Variants in CCSER1 observed in about 807,000 individuals in gnomAD.
CCSER1 encodes the protein serine-rich coiled-coil domain-containing protein 1.
CCSER1 carries 41 observed loss-of-function variants against 82.0 expected under a neutral mutation model. The observed-to-expected ratio is 0.50, with a 90% CI of 0.39 to 0.65. CCSER1 has a LOEUF of 0.65. Ranked by LOEUF, CCSER1 falls within the 30% of genes least tolerant of loss-of-function variation. CCSER1 has a pLI of 0.00. For missense variants in CCSER1, 1,119 were observed against 1,064.2 expected, an observed-to-expected ratio of 1.05 and a Z score of -0.72; for synonymous variants, 414 against 383.9, an observed-to-expected ratio of 1.08 and a Z score of -0.92.
At chr4:91,376,875 T>C (rs1750450737) in intron 10 of CCSER1, among the ~76,000 whole-genome samples, 1 of 148,172 alleles carries the variant, frequency 6.7e-6, no homozygotes, top group African/African-American at 2.5e-5. Flanking sequence ...ATCATTTACA[T>C]TAGGTATATC....
intron 5 of CCSER1, among the ~76,000 whole-genome samples, chr4:90,548,727 G>T (rs1354665324): frequency 7.0e-6 from 1 of 143,610 alleles, no homozygotes; most frequent in African/African-American, 2.5e-5. Context: ...ATCATTTAAA[G>T]ATATATATAT....
chr4:90,499,464 AGT>A (rs1204230337), intron 5 of CCSER1, among the ~76,000 whole-genome samples: 2 of 152,166 alleles, frequency 1.3e-5, no homozygotes, highest in Non-Finnish European at 2.9e-5. Flanking sequence ...TTGGGACACT[AGT>A]TAATGGTGCT....
chr4:90,809,449 A>G (rs28866860), intron 7 of CCSER1, among the ~76,000 whole-genome samples: 1,942 of 152,210 alleles, frequency 0.013, 45 homozygotes, highest in African/African-American at 0.045. Flanking sequence ...AAAACTAAAT[A>G]CCCCATGTTC....
rs563500365 is a variant in CCSER1 at position 91,042,611 on chromosome 4, C to A, written c.2173-43339C>A. 6.6e-5 allele frequency among the ~76,000 whole-genome samples: 10 copies of A among 152,266 alleles called. No individual in the cohort carries two copies. In the East Asian group the frequency reaches 1.9e-3, roughly 29 times the overall value. On this transcript the variant is annotated intron_variant, in intron 9 of 10. Transcript: ENST00000509176. ...CAGTACATAATCTTCCATCTAAAAT[C>A]TGCTTTTTTCTTCTGTGTTGCTACG...
intron 5 of CCSER1, among the ~76,000 whole-genome samples, chr4:90,527,325 C>G (rs1006366837): frequency 6.6e-6 from 1 of 152,032 alleles, no homozygotes; most frequent in African/African-American, 2.4e-5. Flanking sequence ...ATTTATGTGG[C>G]CAACAAACAT....
At chr4:90,883,133 C>G (rs776266607) in intron 8 of CCSER1, among the ~76,000 whole-genome samples, 2 of 151,926 alleles carry the variant, frequency 1.3e-5, no homozygotes, top group African/African-American at 2.4e-5. Flanking sequence ...CTCCTGAACT[C>G]ATAGTCATAG....
At chr4:90,844,470 T>C (rs1762957192) in intron 8 of CCSER1, among the ~76,000 whole-genome samples, 1 of 152,160 alleles carries the variant, frequency 6.6e-6, no homozygotes, top group African/African-American at 2.4e-5. Context: ...TTCTTATTGT[T>C]CCTTGAACAC....
chr4:90,474,187 T>C (rs7670852), intron 5 of CCSER1, among the ~76,000 whole-genome samples: 2,384 of 150,494 alleles, frequency 0.016, 37 homozygotes, highest in African/African-American at 0.047. Flanking sequence ...ATAATGTAGA[T>C]GTGTATCTCA....
chr4:90,927,402 T>G (rs1729199268), intron 9 of CCSER1, among the ~76,000 whole-genome samples: 1 of 152,022 alleles, frequency 6.6e-6, no homozygotes, highest in South Asian at 2.1e-4. Context: ...TATCAGGTAT[T>G]TCATTAAATA....
intron 10 of CCSER1, among the ~76,000 whole-genome samples, chr4:91,550,988 C>A (rs12152593): frequency 0.37 from 55,827 of 151,768 alleles, 10,472 homozygotes; most frequent in East Asian, 0.58. Context: ...AAAGTATTTT[C>A]TGCTTGATAT....
At chr4:91,102,006 A>T (rs919460450) in intron 10 of CCSER1, among the ~76,000 whole-genome samples, 9 of 151,134 alleles carry the variant, frequency 6.0e-5, no homozygotes, top group Non-Finnish European at 1.2e-4. Context: ...GATTTTCCTC[A>T]CTTTTGCAGT....
intron 7 of CCSER1, chr4:90,781,058 C>T (rs903825694): frequency 1.7e-4 from 29 of 173,274 alleles, no homozygotes; most frequent in Non-Finnish European, 3.0e-4. Context: ...GGCTGGGAGG[C>T]GCCACATAAT....
intron 9 of CCSER1, among the ~76,000 whole-genome samples, chr4:91,067,761 A>G (rs964566867): frequency 1.3e-5 from 2 of 152,184 alleles, no homozygotes; most frequent in African/African-American, 4.8e-5. Context: ...TGGTTGGAAA[A>G]GCTAAAAAGT....
intron 8 of CCSER1, among the ~76,000 whole-genome samples, chr4:90,864,342 T>A (rs1765475348): frequency 6.6e-6 from 1 of 152,010 alleles, no homozygotes; most frequent in Admixed American, 6.6e-5. Context: ...GGAAACAACC[T>A]CCAATGCAAC....
At chr4:91,137,244 G>A (rs1283957600) in intron 10 of CCSER1, among the ~76,000 whole-genome samples, 2 of 112,348 alleles carry the variant, frequency 1.8e-5, no homozygotes, top group East Asian at 5.4e-4. Context: ...TCCCACCTAT[G>A]AGTGAGAATA....
chr4:90,213,257 C>A (rs996387947), intron 1 of CCSER1, among the ~76,000 whole-genome samples: 6 of 151,958 alleles, frequency 3.9e-5, no homozygotes, highest in African/African-American at 1.5e-4. Context: ...ACATAGGATG[C>A]CTGGTTTTTA....
chr4:91,007,185 G>A (rs1425003182), intron 9 of CCSER1, among the ~76,000 whole-genome samples: 1 of 152,046 alleles, frequency 6.6e-6, no homozygotes, highest in Non-Finnish European at 1.5e-5. Flanking sequence ...ATTTAATTCA[G>A]TTTGTTAGTA....
chr4:91,079,195 A>T (rs536237287), intron 9 of CCSER1, among the ~76,000 whole-genome samples: 5 of 152,230 alleles, frequency 3.3e-5, no homozygotes, highest in Admixed American at 6.5e-5. Context: ...TTACCCACAA[A>T]GGGAAGCCCA....
chr4:91,280,001 A>G (rs1372537662), intron 10 of CCSER1, among the ~76,000 whole-genome samples: 1 of 152,138 alleles, frequency 6.6e-6, no homozygotes, highest in Non-Finnish European at 1.5e-5. Context: ...TATATGATTT[A>G]TTGGCTGTAA....
Sources: gnomAD v4.1 joint callset for allele counts (sites outside exome capture counted in the v4.1 genomes callset) on GRCh38, gnomAD v4.1.1 for gene constraint, MANE v1.5 for transcripts, NCBI Gene and HGNC (gene_info 2026-07-23, HGNC 2026-07-21) for gene names.